The following NIN variants were observed in gnomAD, a reference collection of about 807,000 sequenced individuals.
NIN encodes the protein glycogen synthase kinase 3 beta-interacting protein.
Under a neutral mutation model 257.6 loss-of-function variants are expected in NIN, and 137 were observed. That is an observed-to-expected ratio of 0.53 (90% CI 0.46 to 0.61). NIN has a LOEUF of 0.61. Among genes scored for constraint, NIN ranks in the 20% least tolerant of loss-of-function variants. NIN has a pLI of 0.00. For missense variants in NIN, 2,439 were observed against 2,501.2 expected (o/e 0.98, Z 0.53); for synonymous variants, 918 against 919.8 (o/e 1.00, Z 0.04).
chr14:50,774,988 T>C (rs2042866916), intron 7 of NIN, among the ~76,000 whole-genome samples: 2 of 152,188 alleles, frequency 1.3e-5, no homozygotes, highest in East Asian at 3.8e-4. Flanking sequence ...GCTGGTTTGC[T>C]GAAGTGTAAG....
intron 14 of NIN, among the ~76,000 whole-genome samples, chr14:50,765,063 TAAAAAAAAAAAAA>T (rs781699626): frequency 8.8e-4 from 72 of 82,072 alleles, no homozygotes; most frequent in Non-Finnish European, 1.5e-3. Flanking sequence ...TGTCTCTACT[TAAAAAAAAAAAAA>T]AAAAAAAAAA....
At chr14:50,758,747 A>C (rs998780768) in intron 17 of NIN, 117 bp from the exon 18 acceptor site, 3 of 895,838 alleles carry the variant, frequency 3.3e-6, no homozygotes, top group East Asian at 5.4e-5. Context: ...TACTCCCTAA[A>C]AATGCTCTTA....
Position 50,735,599 on chromosome 14 carries a change from G to C in NIN, c.5794C>G (p.Leu1932Val), listed in dbSNP as rs1183054046. The change falls in exon 28 of 31, where the codon CTT becomes GTT. Residue 1932 changes from leucine to valine, a missense_variant. This residue lies in a region of NIN where 2,043 missense variants were observed against 2,050.2 expected (regional missense o/e 1.00). Transcript: ENST00000530997. ...TGAATTGTTTCTAATTCTTGTTCAA[G>C]GGAATTCATCTGACTGACCTGTTTA... Reference protein sequence around the residue: ...ANRKVSQMNSLEQELETIHLE... With the variant: ...ANRKVSQMNSVEQELETIHLE... 5 of 1,611,244 alleles carry C rather than the reference G, an allele frequency of 3.1e-6. No individual in the cohort carries two copies. The highest frequency in any genetic ancestry group is 1.1e-5 in the South Asian group (1 of 90,988).
chr14:50,767,770 TGG>T (rs1595820862), intron 12 of NIN, among the ~76,000 whole-genome samples: 1 of 146,884 alleles, frequency 6.8e-6, no homozygotes, highest in Admixed American at 6.9e-5. Context: ...TGAGCCGAGA[TGG>T]CGCCACTGCA....
At position 50,744,133 on chromosome 14, in the gene NIN, T is replaced by A. The variant is rs145037794; in HGVS notation, c.5187+110A>T. 8.7e-5 allele frequency: 105 copies of A among 1,211,324 alleles called. No individual in the cohort carries two copies. In the Middle Eastern group the frequency reaches 1.3e-3, roughly 15 times the overall value. 75.0% of individuals were successfully genotyped at this position (1,211,324 alleles called of 1,614,324 possible). ...CCAAAGAAATGCTGCTCCAGGACAC[T>A]CTGGAACAACAGACTACCACAGGAG... On this transcript the variant is annotated intron_variant, in intron 23 of 30. Transcript: ENST00000530997.
At chr14:50,793,463 G>A (rs1268271268) in intron 4 of NIN, among the ~76,000 whole-genome samples, 1 of 152,014 alleles carries the variant, frequency 6.6e-6, no homozygotes, top group Non-Finnish European at 1.5e-5. Flanking sequence ...TTACGTATAT[G>A]AAACCCGGCA....
chr14:50,817,860 C>T (rs1323959853), intron 3 of NIN, among the ~76,000 whole-genome samples: 2 of 152,026 alleles, frequency 1.3e-5, no homozygotes, highest in African/African-American at 2.4e-5. Context: ...GGATTACCGG[C>T]GCCCACTGCC....
chr14:50,770,581 G>A lies in NIN; in HGVS notation c.1260-19C>T. On this transcript the variant is annotated intron_variant, in intron 11 of 30. Transcript: ENST00000530997. ...CAGTTTCCTGTAACGAAGAAAAATG[G>A]ACAAGCTGCCATCACGTCTTTCAGA... 2 of 1,611,470 alleles carry A rather than the reference G, an allele frequency of 1.2e-6. No homozygotes were observed. The highest frequency in any genetic ancestry group is 1.3e-5 in the African/African-American group (1 of 74,742).
intron 15 of NIN, among the ~76,000 whole-genome samples, chr14:50,762,362 G>T (rs1231019022): frequency 6.6e-6 from 1 of 152,152 alleles, no homozygotes; most frequent in Non-Finnish European, 1.5e-5. Flanking sequence ...GCGATGCCCT[G>T]AGGAGTTAGC....
intron 24 of NIN, 41 bp downstream of exon 24, chr14:50,743,375 G>GA: frequency 8.0e-7 from 1 of 1,242,520 alleles, no homozygotes; most frequent in Non-Finnish European, 1.2e-6. Context: ...AGATCTAGGA[G>GA]AATACTAACC....
chr14:50,783,523 G>A (rs544621171), intron 5 of NIN, among the ~76,000 whole-genome samples: 19 of 152,130 alleles, frequency 1.2e-4, no homozygotes, highest in African/African-American at 4.1e-4. Context: ...TTAGAGATGG[G>A]GCTTACCACA....
At chr14:50,810,067 TAA>T (rs1460288543) in intron 3 of NIN, among the ~76,000 whole-genome samples, 1 of 151,714 alleles carries the variant, frequency 6.6e-6, no homozygotes, top group Non-Finnish European at 1.5e-5. Flanking sequence ...CCATCTCTAC[TAA>T]AAACACAAAA....
chr14:50,725,394 A>C (rs1482348110), intron 30 of NIN, among the ~76,000 whole-genome samples: 1 of 152,136 alleles, frequency 6.6e-6, no homozygotes, highest in Non-Finnish European at 1.5e-5. Context: ...AGGCTGTTTA[A>C]GTGGTCCTGG....
chr14:50,817,137 C>T (rs946222006), intron 3 of NIN, among the ~76,000 whole-genome samples: 1 of 152,282 alleles, frequency 6.6e-6, no homozygotes, highest in Admixed American at 6.5e-5. Flanking sequence ...CATTTCCCTT[C>T]ACCAATTTAA....
chr14:50,768,947 G>A (rs141345519), intron 12 of NIN, among the ~76,000 whole-genome samples: 1 of 152,208 alleles, frequency 6.6e-6, no homozygotes, highest in Non-Finnish European at 1.5e-5. Context: ...AGGCTGATGA[G>A]TAATCATGAG....
chr14:50,726,091 T>C (rs1179646170), intron 29 of NIN, 25 bp from the exon 30 acceptor site: 1 of 1,557,630 alleles, frequency 6.4e-7, no homozygotes, highest in African/African-American at 1.4e-5. Context: ...AGTATATTAT[T>C]CGAAAATCAT....
intron 2 of NIN, among the ~76,000 whole-genome samples, chr14:50,827,741 C>A (rs1256475301): frequency 3.4e-5 from 4 of 119,052 alleles, no homozygotes; most frequent in East Asian, 2.4e-4. Context: ...CAGGAGAGAG[C>A]GAGAGACTCC....
At position 50,770,459 on chromosome 14, in the gene NIN, G is replaced by A. The variant is rs1291323686; in HGVS notation, c.1363C>T (p.Leu455Phe). The part of the protein sequence containing the change: ...LQQAGKQRLE[L>F]EQEIEKAKTE... Reference sequence around the variant, plus strand: ...TTTGCCTTTTCAATTTCCTGTTCAAGTTCTAAACGCTGCTTGCCTGCCTGC... The same window carrying A: ...TTTGCCTTTTCAATTTCCTGTTCAAATTCTAAACGCTGCTTGCCTGCCTGC... The change falls in exon 12 of 31, where the codon CTT becomes TTT. Residue 455 changes from leucine to phenylalanine, a missense_variant. This residue lies in a region of NIN where 2,043 missense variants were observed against 2,050.2 expected (regional missense o/e 1.00). Transcript: ENST00000530997. 1 of 1,614,224 alleles carries A rather than the reference G, an allele frequency of 6.2e-7. No homozygotes were observed. The highest frequency in any genetic ancestry group is 8.5e-7 in the Non-Finnish European group (1 of 1,180,032).
At chr14:50,822,162 G>C (rs1270375702) in intron 2 of NIN, 85 bp from the exon 3 acceptor site, 3 of 919,716 alleles carry the variant, frequency 3.3e-6, no homozygotes, top group Non-Finnish European at 5.1e-6. Flanking sequence ...CCCGTTCTCT[G>C]TACCCCACCA....
Sources: allele counts gnomAD v4.1 joint callset (sites outside exome capture counted in the v4.1 genomes callset), GRCh38; gene constraint gnomAD v4.1.1; regional missense constraint gnomAD v4.1.1; transcripts MANE v1.5; gene names NCBI Gene and HGNC (gene_info 2026-07-23, HGNC 2026-07-21).